VCAN: variants seen among roughly 807,000 people sequenced by gnomAD.
VCAN encodes the protein versican, also known as versican core protein.
In VCAN, 44 loss-of-function variants were observed where a neutral mutation model predicts 245.5. That is an observed-to-expected ratio of 0.18 (90% CI 0.14 to 0.23). The LOEUF (loss-of-function observed/expected upper bound fraction) is 0.23, where lower values mean the gene tolerates loss of function less well. VCAN is among the 10% of genes least tolerant of loss of function. The pLI, the probability that VCAN is intolerant of heterozygous loss-of-function variation, is 1.00. For missense variants in VCAN, 3,793 were observed against 4,057.9 expected (o/e 0.93, Z 1.77); for synonymous variants, 1,413 against 1,437.0 (o/e 0.98, Z 0.38).
chr5:83,484,807 G>A (rs1486254046), intron 2 of VCAN, among the ~76,000 whole-genome samples: 2 of 152,302 alleles, frequency 1.3e-5, no homozygotes, highest in African/African-American at 4.8e-5. Flanking sequence ...AGTGGCTTGA[G>A]TTGGGGGAAG....
chr5:83,473,531 T>G (rs1256668233), intron 1 of VCAN, among the ~76,000 whole-genome samples: 1 of 152,138 alleles, frequency 6.6e-6, no homozygotes, highest in Non-Finnish European at 1.5e-5. Flanking sequence ...TCTCTCTAGC[T>G]TCTGCGTCCC....
chr5:83,533,423 A>G (rs1196770159), intron 7 of VCAN, among the ~76,000 whole-genome samples: 1 of 152,060 alleles, frequency 6.6e-6, no homozygotes, highest in African/African-American at 2.4e-5. Context: ...AGAGAGAGAG[A>G]GGAAGGGGGC....
chr5:83,498,066 A>G (rs1168923774), intron 5 of VCAN, among the ~76,000 whole-genome samples: 3 of 152,064 alleles, frequency 2.0e-5, no homozygotes, highest in South Asian at 2.1e-4. Context: ...TGCATTTTCT[A>G]TGTAGCCCTG....
rs539085053 is a variant in VCAN at position 83,574,167 on chromosome 5, G to C, written c.9880+1607G>C. Among the ~76,000 whole-genome samples the C allele has an allele frequency of 2.0e-5, 3 of 151,680 alleles. No homozygotes were observed. The East Asian group carries it at 5.8e-4, about 30-fold the overall frequency. ...TTGCCTTCTGTATCTGTTCTCTCTG[G>C]GCCCCTGGCTGATTGGATGGTGCCC... On this transcript the variant is annotated intron_variant, in intron 13 of 14. Coordinates refer to ENST00000265077, the MANE Select transcript of VCAN (RefSeq NM_004385.5).
chr5:83,497,640 A>G (rs371061941), intron 5 of VCAN, among the ~76,000 whole-genome samples: 8 of 152,186 alleles, frequency 5.3e-5, no homozygotes, highest in African/African-American at 1.9e-4. Context: ...TAAAATGGGA[A>G]TCTAGAAATT....
rs569264086 is a variant in VCAN at position 83,535,461 on chromosome 5, T to G, written c.4004-1546T>G. Among the ~76,000 whole-genome samples, 5 of 152,198 alleles carry G rather than the reference T, an allele frequency of 3.3e-5. No individual in the cohort carries two copies. The East Asian group carries it at 9.6e-4, about 29-fold the overall frequency. On this transcript the variant is annotated intron_variant, in intron 7 of 14. Coordinates refer to ENST00000265077, the MANE Select transcript of VCAN (RefSeq NM_004385.5). ...TATATGTCTTTGCATTACATAAAAG[T>G]CTTATTGTCTGGGTTTTTTAATTTA... is the stretch of plus-strand genomic sequence containing the variant.
Position 83,554,825 on chromosome 5 carries a change from A to G in VCAN, c.9653-131A>G, listed in dbSNP as rs143645335. On this transcript the variant is annotated intron_variant, in intron 11 of 14. Transcript: ENST00000265077. ...AAAAGGTAGACTAGGAGAGATTTTT[A>G]TGAGCAACTAAATAAAAATCCAGCC... The G allele has an allele frequency of 4.0e-4, 332 of 838,776 alleles. No homozygotes were observed. In the African/African-American group the frequency reaches 5.1e-3, roughly 13 times the overall value. 52.0% of individuals were successfully genotyped at this position (838,776 alleles called of 1,614,324 possible).
intron 6 of VCAN, among the ~76,000 whole-genome samples, chr5:83,513,184 G>C (rs1028092137): frequency 6.6e-6 from 1 of 152,104 alleles, no homozygotes; most frequent in African/African-American, 2.4e-5. Context: ...AAGTAATCTA[G>C]CATCTCATTG....
intron 5 of VCAN, among the ~76,000 whole-genome samples, chr5:83,504,112 A>G (rs575990179): frequency 6.6e-6 from 1 of 152,284 alleles, no homozygotes; most frequent in East Asian, 1.9e-4. Context: ...TTAATTTCTG[A>G]TGTTAATTCC....
chr5:83,575,838 A>T (rs309580), intron 13 of VCAN, among the ~76,000 whole-genome samples: 54,961 of 152,030 alleles, frequency 0.36, 10,126 homozygotes, highest in Admixed American at 0.44. Flanking sequence ...AACAAGTTTT[A>T]TAAAATACTG....
chr5:83,581,525 C>G lies in VCAN; in HGVS notation c.*1091C>G, dbSNP rs886060836. 1.3e-5 allele frequency: 2 copies of G among 152,070 alleles called. No homozygotes were observed. Among genetic ancestry groups the G allele is most frequent in the Non-Finnish European group, 2.9e-5 (2 of 68,010 alleles). 9.4% of individuals were successfully genotyped at this position (152,070 alleles called of 1,614,324 possible). On this transcript the variant is annotated 3_prime_UTR_variant, in exon 15 of 15. Coordinates refer to ENST00000265077, the MANE Select transcript of VCAN (RefSeq NM_004385.5). ...ATGCTAGTTATTTTTCAGTGTTAGC[C>G]TTTTACTTTCCTCACACAATTTGGA...
chr5:83,539,665 T>C lies in VCAN; in HGVS notation c.6662T>C (p.Val2221Ala). Residue 2221 changes from valine to alanine, a missense_variant, in exon 8 of 15, where the codon GTA becomes GCA. By Grantham distance (64) the Val-to-Ala change is moderately conservative. Coordinates refer to ENST00000265077, the MANE Select transcript of VCAN (RefSeq NM_004385.5). ...ACTGAATCTATACCAGCTGAACATGTAGTCACAGATTCACCAATCAAAAAG... is the reference window on the plus strand; with the variant it reads ...ACTGAATCTATACCAGCTGAACATGCAGTCACAGATTCACCAATCAAAAAG... ...LVTESIPAEH[V>A]VTDSPIKKEE... The C allele has an allele frequency of 6.2e-7, 1 of 1,613,878 alleles. No homozygotes were observed. Among genetic ancestry groups the C allele is most frequent in the Non-Finnish European group, 8.5e-7 (1 of 1,179,978 alleles).
chr5:83,545,882 T>G (rs1747196254), intron 9 of VCAN, among the ~76,000 whole-genome samples: 1 of 152,204 alleles, frequency 6.6e-6, no homozygotes, highest in South Asian at 2.1e-4. Flanking sequence ...TGAGTCTTCT[T>G]GTGTTTTTTA....
At chr5:83,487,483 C>A (rs1443637796) in intron 2 of VCAN, among the ~76,000 whole-genome samples, 1 of 152,164 alleles carries the variant, frequency 6.6e-6, no homozygotes, top group Non-Finnish European at 1.5e-5. Flanking sequence ...TAGCAGATTT[C>A]TTTTAAACAT....
Position 83,580,838 on chromosome 5 carries a change from A to G in VCAN, c.*404A>G, listed in dbSNP as rs1033183918. 1.7e-5 allele frequency: 5 copies of G among 285,858 alleles called. No homozygotes were observed. The highest frequency in any genetic ancestry group is 6.6e-5 in the African/African-American group (3 of 45,338). The allele number at this position is 285,858 out of a possible 1,614,324, so 17.7% of individuals were successfully genotyped here. A position where few individuals can be genotyped will look rare whatever the true frequency, so the allele number is the denominator to read the frequency against. ...ATAAAAAGTCACAATGAGTTTGGGC[A>G]TATTTAATGATGATTATGGAGCCTT... On this transcript the variant is annotated 3_prime_UTR_variant, in exon 15 of 15. Transcript: ENST00000265077.
chr5:83,522,113 G>A lies in VCAN; in HGVS notation c.3807G>A (p.Lys1269=). The part of the protein sequence containing the change: ...PPTTLEDIVA[K]ETETDIDREY... ...CTACCCTTGAAGATATTGTAGCCAA[G>A]GAAACAGAAACCGATATTGATAGAG... Residue 1269 remains lysine (K), a synonymous_variant, in exon 7 of 15, where the codon AAG becomes AAA. Coordinates refer to ENST00000265077, the MANE Select transcript of VCAN (RefSeq NM_004385.5). 1 of 1,614,070 alleles carries A rather than the reference G, an allele frequency of 6.2e-7. No individual in the cohort carries two copies. The highest frequency in any genetic ancestry group is 8.5e-7 in the Non-Finnish European group (1 of 1,180,042).
intron 7 of VCAN, among the ~76,000 whole-genome samples, chr5:83,527,055 A>G (rs996706798): frequency 2.0e-5 from 3 of 152,308 alleles, no homozygotes; most frequent in East Asian, 3.9e-4. Flanking sequence ...GAGCTCTGAG[A>G]AAACAACAAC....
chr5:83,516,007 C>T (rs376466806), intron 6 of VCAN, among the ~76,000 whole-genome samples: 58 of 152,242 alleles, frequency 3.8e-4, no homozygotes, highest in African/African-American at 1.2e-3. Context: ...CCAAGGTGGG[C>T]GGATCATGAG....
intron 12 of VCAN, among the ~76,000 whole-genome samples, chr5:83,570,255 C>A (rs1458502863): frequency 6.6e-6 from 1 of 151,910 alleles, no homozygotes. Flanking sequence ...AATAAAACCA[C>A]CCTTCATGCT....
Sources: allele counts gnomAD v4.1 joint callset (sites outside exome capture counted in the v4.1 genomes callset), GRCh38; gene constraint gnomAD v4.1.1; transcripts MANE v1.5; gene names NCBI Gene and HGNC (gene_info 2026-07-23, HGNC 2026-07-21).